The following MAOB variants were observed in gnomAD, a reference collection of about 807,000 sequenced individuals.
MAOB encodes the protein amine oxidase [flavin-containing] B.
MAOB carries 15 observed loss-of-function variants against 41.9 expected under a neutral mutation model. The observed-to-expected ratio is 0.36, with a 90% CI of 0.24 to 0.55. The LOEUF is 0.55. Among genes scored for constraint, MAOB ranks in the 20% least tolerant of loss-of-function variants. MAOB has a pLI of 0.86. For synonymous variants in MAOB, 167 were observed against 144.2 expected, an observed-to-expected ratio of 1.16 and a Z score of -1.13; for missense variants, 345 against 398.7, an observed-to-expected ratio of 0.87 and a Z score of 1.15.
chrX:43,875,513 C>T (rs952121423), intron 1 of MAOB, among the ~76,000 whole-genome samples: 8 of 112,096 alleles, frequency 7.1e-5, no homozygotes, highest in African/African-American at 2.6e-4. Context: ...TGCAGACACA[C>T]TACTAATAAG....
At chrX:43,823,469 G>A (rs931843652) in intron 3 of MAOB, among the ~76,000 whole-genome samples, 1 of 111,115 alleles carries the variant, frequency 9.0e-6, no homozygotes, top group Non-Finnish European at 1.9e-5. Flanking sequence ...CACCACGCCA[G>A]GCCTACAGAT....
chrX:43,838,354 G>A (rs558103840), intron 3 of MAOB, among the ~76,000 whole-genome samples: 3 of 112,018 alleles, frequency 2.7e-5, no homozygotes, highest in East Asian at 5.6e-4. Flanking sequence ...ATCTTGGGGA[G>A]AACAATGAAG....
chrX:43,861,594 C>T (rs2035332593), intron 1 of MAOB, among the ~76,000 whole-genome samples: 1 of 111,690 alleles, frequency 9.0e-6, no homozygotes, highest in Non-Finnish European at 1.9e-5. Flanking sequence ...CTAAAATCTA[C>T]AGTCTCCTTT....
At chrX:43,876,225 G>A (rs1023202681) in intron 1 of MAOB, among the ~76,000 whole-genome samples, 11 of 111,895 alleles carry the variant, frequency 9.8e-5, no homozygotes, top group African/African-American at 3.6e-4. Context: ...CTCCCAAAGT[G>A]CTGGGATTAC....
chrX:43,774,680 G>C (rs1018339791), intron 12 of MAOB, among the ~76,000 whole-genome samples: 1 of 111,593 alleles, frequency 9.0e-6, no homozygotes, highest in Admixed American at 9.5e-5. Flanking sequence ...TTTTGTCCCC[G>C]TGTTGGCAGT....
chrX:43,802,040 T>A, intron 5 of MAOB, 132 bp downstream of exon 5: 1 of 532,699 alleles, frequency 1.9e-6, no homozygotes, highest in East Asian at 3.6e-5. Context: ...CCAATGGTTT[T>A]CAGCATGCCA....
Position 43,882,339 on chromosome X carries a change from T to C in MAOB, c.-40A>G. 1 of 1,189,619 alleles carries C rather than the reference T, an allele frequency of 8.4e-7. No individual in the cohort carries two copies. Among genetic ancestry groups the C allele is most frequent in the Non-Finnish European group, 1.1e-6 (1 of 885,385 alleles). ...TCCAGGCCTCCCTGGTGCCCGCTGC[T>C]CCGTTTTCTGGGCCTCGATCCCAGT... On this transcript the variant is annotated 5_prime_UTR_variant, in exon 1 of 15. Transcript: ENST00000378069.
At chrX:43,781,188 C>A (rs1171578146) in intron 9 of MAOB, among the ~76,000 whole-genome samples, 3 of 111,379 alleles carry the variant, frequency 2.7e-5, no homozygotes, top group Non-Finnish European at 3.8e-5. Flanking sequence ...TATGTCTACC[C>A]CCAACACTAA....
chrX:43,770,531 T>C (rs1365618552), intron 12 of MAOB, among the ~76,000 whole-genome samples: 1 of 112,024 alleles, frequency 8.9e-6, no homozygotes, highest in Non-Finnish European at 1.9e-5. Flanking sequence ...ACACAGGCAA[T>C]CTGACTCTGG....
chrX:43,776,882 T>C (rs1430990723), intron 11 of MAOB, among the ~76,000 whole-genome samples: 1 of 108,255 alleles, frequency 9.2e-6, no homozygotes, highest in Non-Finnish European at 1.9e-5. Context: ...GTCCCTGCGA[T>C]AGTTTGCTGA....
At position 43,797,427 on chromosome X, in the gene MAOB, G is replaced by A. The variant is rs369304664; in HGVS notation, c.477-161C>T. The stretch of plus-strand genomic sequence containing the variant: ...ATCTAATATTACAAAACGTGACATC[G>A]GAGGTTTTTGAAATATCAGATTATT... On this transcript the variant is annotated intron_variant, in intron 5 of 14. Coordinates refer to ENST00000378069, the MANE Select transcript of MAOB (RefSeq NM_000898.5). 5.3e-5 allele frequency among the ~76,000 whole-genome samples: 6 copies of A among 112,158 alleles called. No individual in the cohort carries two copies. In the East Asian group the frequency reaches 1.4e-3, roughly 26 times the overall value.
chrX:43,797,925 A>G (rs992523493), intron 5 of MAOB, among the ~76,000 whole-genome samples: 4 of 112,127 alleles, frequency 3.6e-5, no homozygotes, highest in Admixed American at 9.5e-5. Flanking sequence ...AATAAGATTC[A>G]GATCTTACAC....
At chrX:43,851,727 G>A (rs1305398686) in intron 1 of MAOB, among the ~76,000 whole-genome samples, 5 of 111,785 alleles carry the variant, frequency 4.5e-5, no homozygotes, top group South Asian at 3.7e-4. Flanking sequence ...TGCTGACTAC[G>A]TCTCCAGGAA....
At chrX:43,771,288 A>G (rs960136870) in intron 12 of MAOB, among the ~76,000 whole-genome samples, 1 of 112,336 alleles carries the variant, frequency 8.9e-6, no homozygotes, top group Non-Finnish European at 1.9e-5. Context: ...GACATGAAAT[A>G]TTCAACCCTC....
At chrX:43,797,535 T>G (rs2034543565) in intron 5 of MAOB, among the ~76,000 whole-genome samples, 1 of 112,182 alleles carries the variant, frequency 8.9e-6, no homozygotes, top group Non-Finnish European at 1.9e-5. Context: ...ACATTCCTGC[T>G]GCTCTTCCAG....
chrX:43,778,733 C>T lies in MAOB; in HGVS notation c.1086G>A (p.Lys362=). ...CCTTGGCATAGAGTTCACAAAGTTT[C>T]TTCAACCTGTGAATGAAAAGAGACA... ...LARLTKEERL[K]KLCELYAKVL... The change falls in exon 11 of 15, where the codon AAG becomes AAA. Residue 362 remains lysine (K), a synonymous_variant. Transcript: ENST00000378069. The T allele has an allele frequency of 2.5e-6, 3 of 1,198,783 alleles. No homozygotes were observed. The highest frequency in any genetic ancestry group is 3.4e-6 in the Non-Finnish European group (3 of 886,559).
chrX:43,859,569 G>T (rs943724701), intron 1 of MAOB, among the ~76,000 whole-genome samples: 3 of 111,159 alleles, frequency 2.7e-5, no homozygotes, highest in Non-Finnish European at 5.7e-5. Context: ...TAATCAACCC[G>T]CCTATACACA....
intron 8 of MAOB, among the ~76,000 whole-genome samples, chrX:43,791,407 C>G (rs984578349): frequency 2.7e-5 from 3 of 111,711 alleles, no homozygotes; most frequent in African/African-American, 9.8e-5. Flanking sequence ...TCTATAAGAG[C>G]AAATATGACA....
intron 3 of MAOB, chrX:43,838,119 G>T: frequency 4.0e-6 from 1 of 249,148 alleles, no homozygotes; most frequent in South Asian, 4.4e-5. Context: ...GCCTTCCCCC[G>T]CCCACCAAAC....
Sources: gnomAD v4.1 joint callset for allele counts (sites outside exome capture counted in the v4.1 genomes callset) on GRCh38, gnomAD v4.1.1 for gene constraint, MANE v1.5 for transcripts, NCBI Gene and HGNC (gene_info 2026-07-23, HGNC 2026-07-21) for gene names.